PPFIBP2: variants seen among roughly 807,000 people sequenced by gnomAD.
PPFIBP2 encodes the protein liprin-beta-2.
In PPFIBP2, 118 loss-of-function variants were observed where a neutral mutation model predicts 118.3. That is an observed-to-expected ratio of 1.00 (90% CI 0.86 to 1.16). PPFIBP2 has a LOEUF of 1.16. PPFIBP2 is among the 50% of genes most tolerant of loss of function. PPFIBP2 has a pLI of 0.00. For missense variants in PPFIBP2, 1,195 were observed against 1,073.1 expected (o/e 1.11, Z -1.59); for synonymous variants, 414 against 397.4 (o/e 1.04, Z -0.50).
intron 17 of PPFIBP2, 90 bp from the exon 18 acceptor site, chr11:7,648,297 C>T: frequency 2.9e-6 from 4 of 1,368,844 alleles, no homozygotes; most frequent in Non-Finnish European, 3.0e-6. Flanking sequence ...TTTGTTTTTT[C>T]TTTTCTTTTC....
At chr11:7,546,045 C>T (rs114772553) in intron 1 of PPFIBP2, among the ~76,000 whole-genome samples, 90 of 152,288 alleles carry the variant, frequency 5.9e-4, no homozygotes, top group African/African-American at 2.0e-3. Context: ...TTGGTGAACG[C>T]GTGGAAGTGC....
intron 1 of PPFIBP2, among the ~76,000 whole-genome samples, chr11:7,523,374 G>T (rs1849936383): frequency 6.6e-6 from 1 of 152,180 alleles, no homozygotes; most frequent in Non-Finnish European, 1.5e-5. Context: ...TGTCTGAGTT[G>T]TGGTAGTTGC....
At chr11:7,588,807 C>G (rs1268925909) in intron 3 of PPFIBP2, among the ~76,000 whole-genome samples, 1 of 152,158 alleles carries the variant, frequency 6.6e-6, no homozygotes, top group Non-Finnish European at 1.5e-5. Flanking sequence ...GTGCTGAGTT[C>G]TTAAAAATAT....
intron 6 of PPFIBP2, among the ~76,000 whole-genome samples, chr11:7,620,189 A>C (rs898546188): frequency 1.3e-5 from 2 of 152,176 alleles, no homozygotes; most frequent in Non-Finnish European, 2.9e-5. Flanking sequence ...GTGACTCCCT[A>C]CTGCCCAAAG....
intron 4 of PPFIBP2, chr11:7,597,345 C>CA: frequency 6.5e-7 from 1 of 1,535,744 alleles, no homozygotes; most frequent in Non-Finnish European, 8.7e-7. Flanking sequence ...CCCATGTCAT[C>CA]AGAGCAGTGG....
At chr11:7,526,169 G>C (rs1740790247) in intron 1 of PPFIBP2, among the ~76,000 whole-genome samples, 1 of 152,176 alleles carries the variant, frequency 6.6e-6, no homozygotes, top group African/African-American at 2.4e-5. Context: ...TGAAATAACA[G>C]GGAGGAAGGT....
chr11:7,572,697 T>C (rs1393836838), intron 3 of PPFIBP2, among the ~76,000 whole-genome samples: 3 of 152,240 alleles, frequency 2.0e-5, no homozygotes, highest in Non-Finnish European at 2.9e-5. Context: ...TACCTGCTAG[T>C]GGGCAGGCAG....
At chr11:7,603,994 G>C (rs117903582) in intron 5 of PPFIBP2, among the ~76,000 whole-genome samples, 3 of 152,062 alleles carry the variant, frequency 2.0e-5, no homozygotes, top group Admixed American at 2.0e-4. Context: ...CATATACTGC[G>C]GTAGCTGCAT....
intron 4 of PPFIBP2, 38 bp downstream of exon 4, chr11:7,593,262 C>G: frequency 1.2e-6 from 2 of 1,605,736 alleles, no homozygotes; most frequent in South Asian, 2.2e-5. Context: ...TATCCTGTTA[C>G]CTCCTACTAT....
chr11:7,556,534 C>A (rs1387689758), intron 2 of PPFIBP2, among the ~76,000 whole-genome samples: 4 of 152,190 alleles, frequency 2.6e-5, no homozygotes, highest in African/African-American at 9.7e-5. Flanking sequence ...GTTCAGTATT[C>A]TAGTATCTTT....
chr11:7,660,564 GA>G (rs1480118830), downstream of PPFIBP2, among the ~76,000 whole-genome samples: 1 of 150,222 alleles, frequency 6.7e-6, no homozygotes, highest in Non-Finnish European at 1.5e-5. Context: ...TTTTATTGAG[GA>G]TTTTTGCATC....
chr11:7,665,985 C>T, the PPFIBP2 span: 1 of 1,364,406 alleles, frequency 7.3e-7, no homozygotes, highest in Admixed American at 2.0e-5. Context: ...AGAGGCGCGC[C>T]TGTGGGGTGC....
intron 2 of PPFIBP2, among the ~76,000 whole-genome samples, chr11:7,563,964 G>A (rs886357676): frequency 2.6e-5 from 4 of 152,106 alleles, no homozygotes; most frequent in Admixed American, 6.5e-5. Context: ...AGGAGATTGA[G>A]ACCATCCTGG....
At chr11:7,610,902 T>A (rs1847991581) in intron 6 of PPFIBP2, among the ~76,000 whole-genome samples, 1 of 152,254 alleles carries the variant, frequency 6.6e-6, no homozygotes, top group African/African-American at 2.4e-5. Flanking sequence ...GCATGCCATG[T>A]GCAGGCCTTC....
intron 3 of PPFIBP2, among the ~76,000 whole-genome samples, chr11:7,585,396 C>A (rs1285683069): frequency 1.3e-5 from 2 of 152,210 alleles, no homozygotes; most frequent in Non-Finnish European, 2.9e-5. Flanking sequence ...ACCAATGACA[C>A]CCCTGTTGTG....
rs566922607 is a variant in PPFIBP2 at position 7,628,270 on chromosome 11, C to T, written c.827-15C>T. Reference sequence around the variant, plus strand: ...ATTTATATAAATAATTATTTCTATACCTGAATTCTTTTAGACCAAGAAATT... The same window carrying T: ...ATTTATATAAATAATTATTTCTATATCTGAATTCTTTTAGACCAAGAAATT... On this transcript the variant is annotated splice_polypyrimidine_tract_variant and intron_variant, in intron 8 of 23. Coordinates refer to ENST00000299492, the MANE Select transcript of PPFIBP2 (RefSeq NM_003621.5). 30 of 1,607,224 alleles carry T rather than the reference C, an allele frequency of 1.9e-5. No individual in the cohort carries two copies. The highest frequency in any genetic ancestry group is 2.3e-5 in the Non-Finnish European group (27 of 1,174,446).
In PPFIBP2 at chr11:7,589,855, A is replaced by G. The variant is rs971126919; in HGVS notation, c.280-3277A>G. ...GCCTTCTATTTGCAATTCCACTATT[A>G]AAGAAGCAGGTATACTTGTTGACCA... On this transcript the variant is annotated intron_variant, in intron 3 of 23. Transcript: ENST00000299492. 4.6e-5 allele frequency among the ~76,000 whole-genome samples: 7 copies of G among 152,220 alleles called. 1 individual carries two copies. The highest frequency in any genetic ancestry group is 3.9e-4 in the Admixed American group (6 of 15,280).
At chr11:7,617,490 G>A (rs2135567527) in intron 6 of PPFIBP2, among the ~76,000 whole-genome samples, 1 of 152,240 alleles carries the variant, frequency 6.6e-6, no homozygotes, top group East Asian at 1.9e-4. Context: ...AGCAGGGTCT[G>A]AGCAGGTGAG....
intron 15 of PPFIBP2, chr11:7,641,002 T>C (rs1220149476): frequency 7.9e-7 from 1 of 1,262,868 alleles, no homozygotes; most frequent in Non-Finnish European, 1.0e-6. Flanking sequence ...TGTTTCTTCA[T>C]GTGGCTTCTC....
Sources: gnomAD v4.1 joint callset for allele counts (sites outside exome capture counted in the v4.1 genomes callset) on GRCh38, gnomAD v4.1.1 for gene constraint, MANE v1.5 for transcripts, NCBI Gene and HGNC (gene_info 2026-07-23, HGNC 2026-07-21) for gene names.